NR6A1: variants seen among roughly 807,000 people sequenced by gnomAD.
The protein encoded by NR6A1 is retinoic acid receptor-related testis-associated receptor.
In NR6A1, 7 loss-of-function variants were observed where a neutral mutation model predicts 59.1. The observed-to-expected ratio is 0.12, with a 90% CI of 0.07 to 0.22. NR6A1 has a LOEUF of 0.22. Ranked by LOEUF, NR6A1 falls within the 10% of genes least tolerant of loss-of-function variation. The pLI is 1.00. For synonymous variants in NR6A1, 243 were observed against 236.1 expected (o/e 1.03, Z -0.27); for missense variants, 468 against 611.6 (o/e 0.77, Z 2.48).
chr9:124,677,315 G>A (rs1837995698), intron 2 of NR6A1, among the ~76,000 whole-genome samples: 1 of 152,124 alleles, frequency 6.6e-6, no homozygotes, highest in Non-Finnish European at 1.5e-5. Context: ...TTGGAGTGTA[G>A]TGGCTTGATC....
chr9:124,591,490 G>A (rs1389626985), intron 2 of NR6A1, among the ~76,000 whole-genome samples: 2 of 152,220 alleles, frequency 1.3e-5, no homozygotes, highest in South Asian at 2.1e-4. Flanking sequence ...AACAGGGGAC[G>A]AGTCCTTGCC....
intron 1 of NR6A1, among the ~76,000 whole-genome samples, chr9:124,740,708 T>C (rs938421160): frequency 6.6e-6 from 1 of 152,204 alleles, no homozygotes; most frequent in African/African-American, 2.4e-5. Flanking sequence ...AGGTTTTCTA[T>C]TGATATACAA....
chr9:124,754,851 G>C (rs1274490606), intron 1 of NR6A1, among the ~76,000 whole-genome samples: 2 of 152,002 alleles, frequency 1.3e-5, no homozygotes, highest in Non-Finnish European at 2.9e-5. Context: ...CTACATTCCA[G>C]GTTTTCCATA....
chr9:124,560,561 T>C (rs1267871723), intron 2 of NR6A1, among the ~76,000 whole-genome samples: 2 of 152,202 alleles, frequency 1.3e-5, no homozygotes, highest in Admixed American at 1.3e-4. Context: ...CAATTGGTTT[T>C]GTCTTTTATC....
intron 4 of NR6A1, 47 bp from the exon 5 acceptor site, chr9:124,540,234 G>A (rs758276303): frequency 1.9e-6 from 3 of 1,575,840 alleles, no homozygotes; most frequent in South Asian, 1.2e-5. Context: ...CAGGACACTT[G>A]CTCTTTCTTC....
At chr9:124,723,323 T>C (rs1176803262) in intron 2 of NR6A1, among the ~76,000 whole-genome samples, 1 of 152,186 alleles carries the variant, frequency 6.6e-6, no homozygotes, top group Admixed American at 6.5e-5. Flanking sequence ...TTCAGTCTCC[T>C]AAGAGGTTAA....
At chr9:124,740,123 G>A (rs745962760) in intron 1 of NR6A1, among the ~76,000 whole-genome samples, 6 of 152,068 alleles carry the variant, frequency 3.9e-5, no homozygotes, top group South Asian at 4.1e-4. Context: ...GAAGTACATC[G>A]TGGCTCCCAG....
chr9:124,664,880 G>C (rs1000632112), intron 2 of NR6A1, among the ~76,000 whole-genome samples: 19 of 151,886 alleles, frequency 1.3e-4, no homozygotes, highest in Non-Finnish European at 7.4e-5. Context: ...TATCATTCAA[G>C]AAATGGCAGG....
At chr9:124,644,596 G>C (rs1308988559) in intron 2 of NR6A1, among the ~76,000 whole-genome samples, 1 of 152,106 alleles carries the variant, frequency 6.6e-6, no homozygotes, top group Admixed American at 6.5e-5. Context: ...ACATATTTTA[G>C]AGACATTGGT....
chr9:124,680,078 CTGTG>C (rs1042353825), intron 2 of NR6A1, among the ~76,000 whole-genome samples: 4 of 144,144 alleles, frequency 2.8e-5, no homozygotes, highest in South Asian at 2.2e-4. Flanking sequence ...GTTTATGTGT[CTGTG>C]TGTATGTATG....
intron 2 of NR6A1, among the ~76,000 whole-genome samples, chr9:124,726,149 C>G (rs771928883): frequency 6.6e-6 from 1 of 152,152 alleles, no homozygotes; most frequent in Non-Finnish European, 1.5e-5. Flanking sequence ...CATAAACACT[C>G]AAGTTTTTTT....
intron 2 of NR6A1, among the ~76,000 whole-genome samples, chr9:124,606,633 G>A (rs576885537): frequency 1.3e-4 from 20 of 152,332 alleles, no homozygotes; most frequent in Middle Eastern, 3.4e-3. Flanking sequence ...TCCTAAGTCT[G>A]TTAAATGGGA....
chr9:124,537,028 A>C (rs1473647459), intron 6 of NR6A1, among the ~76,000 whole-genome samples: 1 of 151,854 alleles, frequency 6.6e-6, no homozygotes, highest in Non-Finnish European at 1.5e-5. Flanking sequence ...TCTTCCTCTC[A>C]AGGCCCCTTG....
chr9:124,651,888 A>T (rs1474983580), intron 2 of NR6A1, among the ~76,000 whole-genome samples: 2 of 152,236 alleles, frequency 1.3e-5, no homozygotes, highest in African/African-American at 4.8e-5. Flanking sequence ...TCCCAAGTAG[A>T]CATTGGCACC....
Position 124,604,654 on chromosome 9 carries a change from C to CA in NR6A1, c.143-50085dup, listed in dbSNP as rs201769772. On this transcript the variant is annotated intron_variant, in intron 2 of 9. Coordinates refer to ENST00000487099, the MANE Select transcript of NR6A1 (RefSeq NM_033334.4). Reference sequence around the variant, plus strand: ...CAAAACCCCGTTTCTACCAAAAATACAAAAAATTAGCTGGGTGTGGTGGTG... The same window carrying CA: ...CAAAACCCCGTTTCTACCAAAAATACAAAAAAATTAGCTGGGTGTGGTGGTG... Among the ~76,000 whole-genome samples the CA allele has an allele frequency of 5.5e-3, 843 of 151,932 alleles. 7 individuals carry two copies. Among genetic ancestry groups the CA allele is most frequent in the African/African-American group, 0.019 (801 of 41,432 alleles).
At chr9:124,737,785 G>C (rs1176870248) in intron 1 of NR6A1, among the ~76,000 whole-genome samples, 2 of 151,918 alleles carry the variant, frequency 1.3e-5, no homozygotes, top group South Asian at 2.1e-4. Flanking sequence ...AGAATCGCTT[G>C]AACACAGAGG....
chr9:124,584,891 C>G lies in NR6A1; in HGVS notation c.143-30321G>C, dbSNP rs566881258. Among the ~76,000 whole-genome samples, 15 of 152,262 alleles carry G rather than the reference C, an allele frequency of 9.9e-5. No individual in the cohort carries two copies. In the South Asian group the frequency reaches 2.1e-3, roughly 21 times the overall value. On this transcript the variant is annotated intron_variant, in intron 2 of 9. Coordinates refer to ENST00000487099, the MANE Select transcript of NR6A1 (RefSeq NM_033334.4). ...AGGCACGTCAAAAGCAAAGATAAGC[C>G]GAAAGCTAGGCCTCTTGCTCCAAAG...
rs1832754071 is a variant in NR6A1, at chr9:124,519,555, G to T, written c.*3150C>A. ...GCATGTTTCAATGTAGTGCAAGGAG[G>T]TGGGATTCTCCTTTTCCATGTAGCT... On this transcript the variant is annotated 3_prime_UTR_variant, in exon 10 of 10. Coordinates refer to ENST00000487099, the MANE Select transcript of NR6A1 (RefSeq NM_033334.4). 1 of 152,148 alleles carries T rather than the reference G, an allele frequency of 6.6e-6. No individual in the cohort carries two copies. Among genetic ancestry groups the T allele is most frequent in the Non-Finnish European group, 1.5e-5 (1 of 68,044 alleles). The allele number at this position is 152,148 out of a possible 1,614,324, so 9.4% of individuals were successfully genotyped here.
chr9:124,680,173 A>G (rs1458184161), intron 2 of NR6A1, among the ~76,000 whole-genome samples: 1 of 152,014 alleles, frequency 6.6e-6, no homozygotes, highest in Non-Finnish European at 1.5e-5. Context: ...AATGTTCCAA[A>G]AAAGGAGCTA....
Sources: allele counts gnomAD v4.1 joint callset (sites outside exome capture counted in the v4.1 genomes callset), GRCh38; gene constraint gnomAD v4.1.1; transcripts MANE v1.5; gene names NCBI Gene and HGNC (gene_info 2026-07-23, HGNC 2026-07-21).